Variants in DCC observed in about 807,000 individuals in gnomAD.
DCC encodes DCC netrin 1 receptor, also known as netrin receptor DCC.
DCC carries 58 observed loss-of-function variants against 172.5 expected under a neutral mutation model. That is an observed-to-expected ratio of 0.34 (90% CI 0.27 to 0.42). DCC has a LOEUF of 0.42. Among genes scored for constraint, DCC ranks in the 10% least tolerant of loss-of-function variants. The pLI is 1.00. For synonymous variants in DCC, 709 were observed against 644.5 expected, an observed-to-expected ratio of 1.10 and a Z score of -1.52; for missense variants, 1,740 against 1,791.0, an observed-to-expected ratio of 0.97 and a Z score of 0.51.
intron 28 of DCC, among the ~76,000 whole-genome samples, chr18:53,529,038 T>TCACA (rs140593675): frequency 0.032 from 2,082 of 65,128 alleles, 49 homozygotes; most frequent in East Asian, 0.056. Flanking sequence ...TCTCTCTCTC[T>TCACA]CACACACACA....
chr18:52,862,751 T>A (rs893514895), intron 2 of DCC, among the ~76,000 whole-genome samples: 4 of 150,680 alleles, frequency 2.7e-5, no homozygotes, highest in Non-Finnish European at 4.4e-5. Flanking sequence ...TCAAAAACAC[T>A]TACTCTTTTA....
chr18:52,974,042 A>G (rs1416732242), intron 5 of DCC, among the ~76,000 whole-genome samples: 1 of 152,182 alleles, frequency 6.6e-6, no homozygotes, highest in Non-Finnish European at 1.5e-5. Context: ...TTAGTGTATT[A>G]GAACTTTTTA....
At chr18:53,023,391 T>G (rs2041909590) in intron 5 of DCC, among the ~76,000 whole-genome samples, 1 of 59,248 alleles carries the variant, frequency 1.7e-5, no homozygotes, top group Non-Finnish European at 3.2e-5. Flanking sequence ...AACACATATA[T>G]AACTCAGACC....
intron 5 of DCC, among the ~76,000 whole-genome samples, chr18:52,951,467 T>C (rs929080425): frequency 1.3e-5 from 2 of 152,066 alleles, no homozygotes; most frequent in Admixed American, 1.3e-4. Context: ...CGGTGTGTGA[T>C]ATTCTCCTCC....
In DCC at chr18:52,383,539, G is replaced by A. The variant is rs1432362931; in HGVS notation, c.91+42661G>A. On this transcript the variant is annotated intron_variant, in intron 1 of 28. Transcript: ENST00000442544. ...TAGCATTTGTTTATATACATTAAGT[G>A]TATTATTTTTGTTATATTAGTGTCA... 2.6e-5 allele frequency among the ~76,000 whole-genome samples: 4 copies of A among 151,972 alleles called. No individual in the cohort carries two copies. The East Asian group carries it at 5.8e-4, about 22-fold the overall frequency.
chr18:52,802,143 T>A (rs2038001379), intron 2 of DCC, among the ~76,000 whole-genome samples: 2 of 152,220 alleles, frequency 1.3e-5, no homozygotes, highest in Admixed American at 6.5e-5. Flanking sequence ...AAATTATACC[T>A]GTGTCAAATT....
At chr18:52,531,190 A>G (rs2032139221) in intron 1 of DCC, among the ~76,000 whole-genome samples, 1 of 152,192 alleles carries the variant, frequency 6.6e-6, no homozygotes, top group African/African-American at 2.4e-5. Context: ...ATTTGAACTG[A>G]TGAGTCAAGC....
intron 12 of DCC, among the ~76,000 whole-genome samples, chr18:53,226,932 G>GTATATA (rs1452126370): frequency 1.3e-3 from 75 of 59,174 alleles, no homozygotes; most frequent in Middle Eastern, 9.3e-3. Flanking sequence ...GTGTGTGTGT[G>GTATATA]TGTATATATA....
At chr18:52,467,102 G>T (rs1025149161) in intron 1 of DCC, among the ~76,000 whole-genome samples, 3 of 151,820 alleles carry the variant, frequency 2.0e-5, no homozygotes, top group Non-Finnish European at 4.4e-5. Flanking sequence ...GAATGTGCAG[G>T]TTTGTTGTAG....
intron 1 of DCC, among the ~76,000 whole-genome samples, chr18:52,539,415 T>C (rs1418970395): frequency 6.6e-6 from 1 of 152,134 alleles, no homozygotes; most frequent in Non-Finnish European, 1.5e-5. Context: ...TGTTAAGAAC[T>C]GAGCCACACA....
intron 3 of DCC, among the ~76,000 whole-genome samples, chr18:52,921,721 A>AATAATC (rs2040128857): frequency 6.7e-6 from 1 of 149,676 alleles, no homozygotes; most frequent in Non-Finnish European, 1.5e-5. Context: ...TAATAATAAT[A>AATAATC]ATAATATATA....
chr18:53,188,638 G>T (rs935991904), intron 9 of DCC, among the ~76,000 whole-genome samples: 2 of 152,122 alleles, frequency 1.3e-5, no homozygotes, highest in African/African-American at 4.8e-5. Flanking sequence ...TTTATCTAGG[G>T]CTACCTTAAC....
At chr18:53,522,013 A>C (rs1168456357) in intron 27 of DCC, among the ~76,000 whole-genome samples, 1 of 152,110 alleles carries the variant, frequency 6.6e-6, no homozygotes, top group Non-Finnish European at 1.5e-5. Context: ...GCATTCTTGA[A>C]GGGCATACAA....
At chr18:53,502,619 T>TAAAAAAAATACCTCAAATAATTTTA (rs1555680016) in intron 27 of DCC, among the ~76,000 whole-genome samples, 1 of 151,918 alleles carries the variant, frequency 6.6e-6, no homozygotes, top group Non-Finnish European at 1.5e-5. Flanking sequence ...TGTCAGCTTT[T>TAAAAAAAATACCTCAAATAATTTTA]AAAAAAAATA....
At chr18:52,908,790 T>C (rs557706297) in intron 3 of DCC, among the ~76,000 whole-genome samples, 4 of 152,196 alleles carry the variant, frequency 2.6e-5, no homozygotes, top group Non-Finnish European at 5.9e-5. Flanking sequence ...CTTAGCTGAA[T>C]TGAAACTGAT....
chr18:53,094,154 C>T (rs904236416), intron 7 of DCC, among the ~76,000 whole-genome samples: 17 of 152,130 alleles, frequency 1.1e-4, no homozygotes, highest in Admixed American at 2.6e-4. Flanking sequence ...TATTTTAGGC[C>T]GGGACCAGAG....
At chr18:53,234,079 C>G (rs1433899885) in intron 12 of DCC, among the ~76,000 whole-genome samples, 1 of 152,052 alleles carries the variant, frequency 6.6e-6, no homozygotes, top group Non-Finnish European at 1.5e-5. Context: ...GGAGAAACAC[C>G]ATCTCTACTA....
intron 1 of DCC, among the ~76,000 whole-genome samples, chr18:52,520,204 G>A (rs553066825): frequency 2.0e-5 from 3 of 152,098 alleles, no homozygotes; most frequent in Non-Finnish European, 2.9e-5. Flanking sequence ...CAACTCCGTC[G>A]TCCTCCTCCA....
chr18:53,388,705 C>T (rs549900613), intron 16 of DCC, among the ~76,000 whole-genome samples: 7 of 152,354 alleles, frequency 4.6e-5, no homozygotes, highest in Non-Finnish European at 5.9e-5. Context: ...ATAAAACACG[C>T]TGTTTCATTG....
Sources: allele counts gnomAD v4.1 joint callset (sites outside exome capture counted in the v4.1 genomes callset), GRCh38; gene constraint gnomAD v4.1.1; transcripts MANE v1.5; gene names NCBI Gene and HGNC (gene_info 2026-07-23, HGNC 2026-07-21).